TMPRSS2: variants seen among roughly 807,000 people sequenced by gnomAD.
The protein encoded by TMPRSS2 is transmembrane serine protease 2, also known as transmembrane protease serine 2.
Under a neutral mutation model 67.4 loss-of-function variants are expected in TMPRSS2, and 59 were observed. The observed-to-expected ratio is 0.88, with a 90% confidence interval of 0.71 to 1.09. The LOEUF (loss-of-function observed/expected upper bound fraction) is 1.09. Among genes scored for constraint, TMPRSS2 ranks in the 50% least tolerant of loss-of-function variants. The pLI is 0.00. For synonymous variants in TMPRSS2, 257 were observed against 257.0 expected (o/e 1.00, Z 0.00); for missense variants, 668 against 642.7 (o/e 1.04, Z -0.43).
At chr21:41,466,741 T>A (rs1262461213) in intron 13 of TMPRSS2, among the ~76,000 whole-genome samples, 1 of 152,234 alleles carries the variant, frequency 6.6e-6, no homozygotes, top group Non-Finnish European at 1.5e-5. Flanking sequence ...TTCAACAGAC[T>A]GGGCATCTGG....
chr21:41,494,962 G>C (rs959091181), intron 2 of TMPRSS2, among the ~76,000 whole-genome samples: 1 of 151,874 alleles, frequency 6.6e-6, no homozygotes, highest in Non-Finnish European at 1.5e-5. Flanking sequence ...CCAGGTACTC[G>C]GGAGGCTGAG....
rs1261569932 is a variant in TMPRSS2, at chr21:41,470,532, CAA to C, written c.1171+114_1171+115del. ...AGGCACAAGGACTGGGGGAATCAAC[CAA>C]AGTCATCCAGTCATTGAGTAGTAGA... On this transcript the variant is annotated intron_variant, in intron 11 of 13. Transcript: ENST00000332149. 8.1e-6 allele frequency: 8 copies of C among 982,618 alleles called. No individual in the cohort carries two copies. The South Asian group carries it at 1.3e-4, about 16-fold the overall frequency. 60.9% of individuals were successfully genotyped at this position (982,618 alleles called of 1,614,324 possible). A position where few individuals can be genotyped will look rare whatever the true frequency, so the allele number is the denominator to read the frequency against.
At position 41,494,299 on chromosome 21, in the gene TMPRSS2, G is replaced by T. The variant is rs923545665; in HGVS notation, c.238+57C>A. 1.7e-5 allele frequency: 27 copies of T among 1,578,758 alleles called. No individual in the cohort carries two copies. In the East Asian group the frequency reaches 2.3e-4, roughly 13 times the overall value. On this transcript the variant is annotated intron_variant, in intron 3 of 13. Coordinates refer to ENST00000332149, the MANE Select transcript of TMPRSS2 (RefSeq NM_005656.4). The stretch of plus-strand genomic sequence containing the variant: ...TGTTGGGAGCAGAGAGCCCACTGGG[G>T]AGGTAGACCCGGGACCCCGGGTTTA...
Position 41,471,928 on chromosome 21 carries a change from G to T in TMPRSS2, c.953C>A (p.Ser318Tyr), listed in dbSNP as rs760275912. Residue 318 changes from serine (S) to tyrosine (Y), a missense_variant, in exon 10 of 14, where the codon TCT (serine) becomes TAT (tyrosine). Physicochemically the swap from Ser to Tyr is moderately radical, Grantham distance 144. Transcript: ENST00000332149. ...WTAFAGILRQSFMFYGAGYQV... is the reference protein window; with the variant it reads ...WTAFAGILRQYFMFYGAGYQV... ...GTATCCGGCTCCATAGAACATGAAA[G>T]ATTGTCTCAAAATCCCCGCAAATGC... 7 of 1,613,290 alleles carry T rather than the reference G, an allele frequency of 4.3e-6. No individual in the cohort carries two copies. Among genetic ancestry groups the T allele is most frequent in the Non-Finnish European group, 5.1e-6 (6 of 1,179,770 alleles).
In TMPRSS2 at chr21:41,465,356, G is replaced by A. The variant is rs1342398760; in HGVS notation, c.*786C>T. On this transcript the variant is annotated 3_prime_UTR_variant, in exon 14 of 14. Transcript: ENST00000332149. Reference sequence around the variant, plus strand: ...AACATGGTGCCAGACTTGGCGCCCTGCCAGGACCAAGGGGCATGTGCACTC... The same window carrying A: ...AACATGGTGCCAGACTTGGCGCCCTACCAGGACCAAGGGGCATGTGCACTC... The A allele has an allele frequency of 8.6e-6, 2 of 233,558 alleles. No individual in the cohort carries two copies. Among genetic ancestry groups the A allele is most frequent in the African/African-American group, 4.4e-5 (2 of 45,354 alleles). 14.5% of individuals were successfully genotyped at this position (233,558 alleles called of 1,614,324 possible).
At chr21:41,471,690 C>T in intron 10 of TMPRSS2, 116 bp downstream of exon 10, 3 of 1,253,584 alleles carry the variant, frequency 2.4e-6, no homozygotes, top group Non-Finnish European at 3.3e-6. Context: ...CCGCTGCACG[C>T]TACCCTCGCT....
At chr21:41,488,944 C>A (rs909713613) in intron 4 of TMPRSS2, among the ~76,000 whole-genome samples, 1 of 152,186 alleles carries the variant, frequency 6.6e-6, no homozygotes, top group Non-Finnish European at 1.5e-5. Flanking sequence ...CCCAGCCAAT[C>A]CCCCACTTTA....
chr21:41,494,489 A>C lies in TMPRSS2; in HGVS notation c.105T>G (p.Thr35=). 6.2e-7 allele frequency: 1 copy of C among 1,614,070 alleles called. No homozygotes were observed. The highest frequency in any genetic ancestry group is 8.5e-7 in the Non-Finnish European group (1 of 1,179,980). ...PYPAQPTVVP[T]VYEVHPAQYY... ...ACTGAGCCGGATGCACCTCGTAGAC[A>C]GTGGGGACCACAGTGGGCTGTGCGG... is the stretch of plus-strand genomic sequence containing the variant. The change falls in exon 3 of 14, where the codon ACT becomes ACG. Residue 35 remains threonine, a synonymous_variant. Coordinates refer to ENST00000332149, the MANE Select transcript of TMPRSS2 (RefSeq NM_005656.4).
At chr21:41,498,746 G>T (rs533862707) in intron 1 of TMPRSS2, among the ~76,000 whole-genome samples, 9 of 152,320 alleles carry the variant, frequency 5.9e-5, no homozygotes, top group African/African-American at 2.2e-4. Flanking sequence ...GACAAGATGG[G>T]CCCAGGAGGG....
At chr21:41,477,850 T>C (rs1469422166) in intron 7 of TMPRSS2, among the ~76,000 whole-genome samples, 1 of 152,012 alleles carries the variant, frequency 6.6e-6, no homozygotes, top group Non-Finnish European at 1.5e-5. Flanking sequence ...GGGCAACTGC[T>C]GCACAGAAAG....
chr21:41,488,534 G>C (rs2091313974), intron 4 of TMPRSS2, 21 bp from the exon 5 acceptor site: 1 of 1,604,940 alleles, frequency 6.2e-7, no homozygotes, highest in Non-Finnish European at 8.5e-7. Flanking sequence ...AAACAGAAGA[G>C]AGGTGCCCTT....
rs2146469383 is a variant in TMPRSS2 at position 41,489,523 on chromosome 21, G to A, written c.309C>T (p.Gly103=). Residue 103 remains glycine, a synonymous_variant, in exon 4 of 14, where the codon GGC becomes GGT. Transcript: ENST00000332149. The part of the protein sequence containing the change: ...TFLVGAALAA[G]LLWKFMGSKC... The stretch of plus-strand genomic sequence containing the variant: ...TGCACTTACTGAACTTCCAGAGTAG[G>A]CCAGCGGCCAGCGCAGCTCCCACGA... 2 of 1,614,048 alleles carry A rather than the reference G, an allele frequency of 1.2e-6. No homozygotes were observed. The highest frequency in any genetic ancestry group is 1.7e-6 in the Non-Finnish European group (2 of 1,179,966).
intron 8 of TMPRSS2, 132 bp downstream of exon 8, chr21:41,476,445 G>T (rs138995130): frequency 2.4e-6 from 2 of 851,016 alleles, no homozygotes; most frequent in Non-Finnish European, 3.9e-6. Context: ...GCGAGACGCC[G>T]CTGGGCACAT....
chr21:41,492,178 G>C (rs1254695293), intron 3 of TMPRSS2, among the ~76,000 whole-genome samples: 1 of 152,084 alleles, frequency 6.6e-6, no homozygotes, highest in Non-Finnish European at 1.5e-5. Flanking sequence ...GGGTGACAGA[G>C]CGAGACTTTG....
chr21:41,501,339 C>T (rs1422189121), intron 1 of TMPRSS2, among the ~76,000 whole-genome samples: 5 of 152,190 alleles, frequency 3.3e-5, no homozygotes, highest in South Asian at 2.1e-4. Flanking sequence ...CCGGGCACGG[C>T]GGCTCCTGCC....
intron 3 of TMPRSS2, among the ~76,000 whole-genome samples, chr21:41,493,756 G>A (rs1340239627): frequency 1.3e-5 from 2 of 152,130 alleles, no homozygotes; most frequent in African/African-American, 4.8e-5. Flanking sequence ...TGAATGGTAG[G>A]GTGAGGAAGA....
At chr21:41,477,908 G>A (rs541793866) in intron 7 of TMPRSS2, among the ~76,000 whole-genome samples, 1 of 151,944 alleles carries the variant, frequency 6.6e-6, no homozygotes, top group Admixed American at 6.6e-5. Context: ...AGATAGAATA[G>A]AGCCTACCAG....
chr21:41,483,095 T>G (rs901118096), intron 5 of TMPRSS2, among the ~76,000 whole-genome samples: 9 of 152,160 alleles, frequency 5.9e-5, no homozygotes, highest in Admixed American at 3.9e-4. Flanking sequence ...GGACTTCAGT[T>G]CATCATAATG....
chr21:41,472,761 G>A (rs538864203), intron 9 of TMPRSS2, among the ~76,000 whole-genome samples: 3 of 152,264 alleles, frequency 2.0e-5, no homozygotes, highest in Admixed American at 1.3e-4. Flanking sequence ...AAATACATCC[G>A]CCAAGTGAGG....
Sources: gnomAD v4.1 joint callset for allele counts (sites outside exome capture counted in the v4.1 genomes callset) on GRCh38, gnomAD v4.1.1 for gene constraint, MANE v1.5 for transcripts, NCBI Gene and HGNC (gene_info 2026-07-23, HGNC 2026-07-21) for gene names.